Variants in RGS6 observed in about 807,000 individuals in gnomAD.
RGS6 encodes the protein regulator of G-protein signaling 6.
In RGS6, 30 loss-of-function variants were observed where a neutral mutation model predicts 78.5. That is an observed-to-expected ratio of 0.38 (90% CI 0.29 to 0.52). RGS6 has a LOEUF of 0.52. Among genes scored for constraint, RGS6 ranks in the 20% least tolerant of loss-of-function variants. RGS6 has a pLI of 0.85. For synonymous variants in RGS6, 206 were observed against 206.0 expected (o/e 1.00, Z 0.00); for missense variants, 495 against 609.7 (o/e 0.81, Z 1.98).
intron 2 of RGS6, among the ~76,000 whole-genome samples, chr14:72,206,300 T>TA (rs2042695330): frequency 1.3e-5 from 2 of 152,064 alleles, no homozygotes; most frequent in African/African-American, 4.8e-5. Flanking sequence ...CCCCCATCTC[T>TA]AAAAAAATAA....
Position 72,201,917 on chromosome 14 carries a change from A to T in RGS6, c.85-150178A>T, listed in dbSNP as rs564664791. ...TTACTTTTTGTATCACAGGAAAAAA[A>T]AATTGCCAACCCTTGGTCTAGAGTA... On this transcript the variant is annotated intron_variant, in intron 2 of 17. Transcript: ENST00000553525. 2.0e-5 allele frequency among the ~76,000 whole-genome samples: 3 copies of T among 152,354 alleles called. No individual in the cohort carries two copies. The South Asian group carries it at 6.2e-4, about 32-fold the overall frequency.
At chr14:72,225,425 G>A (rs1373401211) in intron 2 of RGS6, among the ~76,000 whole-genome samples, 4 of 152,150 alleles carry the variant, frequency 2.6e-5, no homozygotes, top group Admixed American at 2.6e-4. Context: ...CTGGGCTCAG[G>A]TGATCCTCCT....
In RGS6 at chr14:72,279,016, C is replaced by T. The variant is rs1055898979; in HGVS notation, c.85-73079C>T. Among the ~76,000 whole-genome samples, 16 of 152,038 alleles carry T rather than the reference C, an allele frequency of 1.1e-4. 1 individual carries two copies. Among genetic ancestry groups the T allele is most frequent in the South Asian group, 2.1e-4 (1 of 4,822 alleles). On this transcript the variant is annotated intron_variant, in intron 2 of 17. Transcript: ENST00000553525. ...CACTTATAAGGACACTCATCCTATC[C>T]GATTGAGACCCTACCTTATCATCGC...
At chr14:71,894,650 A>G in the RGS6 span, among the ~76,000 whole-genome samples, 23 of 152,286 alleles carry the variant, frequency 1.5e-4, no homozygotes, top group African/African-American at 5.1e-4. Context: ...TCCTGTGACA[A>G]GATCACAGTT....
intron 2 of RGS6, among the ~76,000 whole-genome samples, chr14:72,212,008 T>C (rs1212379993): frequency 1.3e-5 from 2 of 152,338 alleles, no homozygotes; most frequent in South Asian, 2.1e-4. Context: ...TTATCTCAGG[T>C]TGGCTTTCTA....
chr14:72,042,974 A>G (rs1377581987), intron 2 of RGS6, among the ~76,000 whole-genome samples: 1 of 152,122 alleles, frequency 6.6e-6, no homozygotes, highest in Non-Finnish European at 1.5e-5. Context: ...TTTCTCATGA[A>G]TACTATCTTT....
At chr14:72,013,892 G>A (rs754056420) in intron 2 of RGS6, among the ~76,000 whole-genome samples, 37 of 152,180 alleles carry the variant, frequency 2.4e-4, no homozygotes, top group Non-Finnish European at 8.8e-5. Context: ...CGTGCTGGTC[G>A]TGTTCTTTAA....
chr14:72,170,142 G>A (rs756432211), intron 2 of RGS6, among the ~76,000 whole-genome samples: 70 of 152,084 alleles, frequency 4.6e-4, no homozygotes, highest in Non-Finnish European at 8.8e-4. Context: ...GTCTTCCCTG[G>A]ATAATATACT....
the RGS6 span, chr14:72,594,600 G>C: frequency 6.6e-6 from 1 of 152,124 alleles, no homozygotes; most frequent in Non-Finnish European, 1.5e-5. Flanking sequence ...ACTTTTTGCT[G>C]GTTACCCGAA....
chr14:72,392,706 G>A (rs2090296946), intron 3 of RGS6, among the ~76,000 whole-genome samples: 1 of 152,166 alleles, frequency 6.6e-6, no homozygotes, highest in African/African-American at 2.4e-5. Context: ...GAGATCTGGG[G>A]GAGGGGGAGC....
rs759527358 is a variant in RGS6 at position 72,052,925 on chromosome 14, T to TTTTCTTTCTTTCTTTCTTTCTTTC, written c.84+88088_84+88111dup. Among the ~76,000 whole-genome samples, 23 of 120,424 alleles carry TTTTCTTTCTTTCTTTCTTTCTTTC rather than the reference T, an allele frequency of 1.9e-4. 1 individual carries two copies. The highest frequency in any genetic ancestry group is 3.2e-4 in the Non-Finnish European group (17 of 53,562). The allele number at this position is 120,424 out of a possible 152,430, so 79.0% of individuals were successfully genotyped here. On this transcript the variant is annotated intron_variant, in intron 2 of 17. Transcript: ENST00000553525. ...GCACATGTTCAGAGTTTCATTGTAT[T>TTTTCTTTCTTTCTTTCTTTCTTTC]TTTCTTTCTTTCTTTCTTTCTTTCT...
intron 1 of RGS6, among the ~76,000 whole-genome samples, chr14:71,942,289 A>G (rs1235121034): frequency 6.6e-6 from 1 of 152,180 alleles, no homozygotes; most frequent in Non-Finnish European, 1.5e-5. Flanking sequence ...AGCCTACCAA[A>G]TACTTCACCG....
intron 3 of RGS6, among the ~76,000 whole-genome samples, chr14:72,452,068 A>C (rs2095509185): frequency 6.6e-6 from 1 of 152,096 alleles, no homozygotes; most frequent in African/African-American, 2.4e-5. Context: ...TTTTCTTTTG[A>C]GGAAAAAACA....
intron 2 of RGS6, among the ~76,000 whole-genome samples, chr14:72,211,955 T>G (rs1055344285): frequency 2.0e-5 from 3 of 152,190 alleles, no homozygotes; most frequent in African/African-American, 2.4e-5. Context: ...TAATCTAGCT[T>G]TGCCATAACC....
chr14:71,999,998 T>G (rs758631731), intron 2 of RGS6, among the ~76,000 whole-genome samples: 1 of 152,236 alleles, frequency 6.6e-6, no homozygotes, highest in Non-Finnish European at 1.5e-5. Flanking sequence ...GAAACTCATC[T>G]GAACATTGTG....
At chr14:72,546,063 C>T (rs1339730734) in intron 17 of RGS6, among the ~76,000 whole-genome samples, 1 of 152,172 alleles carries the variant, frequency 6.6e-6, no homozygotes, top group East Asian at 1.9e-4. Flanking sequence ...GCACACTCTG[C>T]TGCTCACCTG....
chr14:72,521,186 CTT>C (rs1020657676), intron 15 of RGS6, among the ~76,000 whole-genome samples: 1 of 152,214 alleles, frequency 6.6e-6, no homozygotes, highest in African/African-American at 2.4e-5. Flanking sequence ...ACCTGTGCCT[CTT>C]TTCTCTATGC....
At chr14:72,367,849 T>G (rs913327547) in intron 3 of RGS6, among the ~76,000 whole-genome samples, 8 of 152,240 alleles carry the variant, frequency 5.3e-5, no homozygotes, top group African/African-American at 1.9e-4. Flanking sequence ...GGCCTCAGTT[T>G]TCTCACCTGT....
At chr14:72,351,689 G>A (rs1307771254) in intron 2 of RGS6, among the ~76,000 whole-genome samples, 2 of 152,162 alleles carry the variant, frequency 1.3e-5, no homozygotes, top group Non-Finnish European at 2.9e-5. Flanking sequence ...TGAACCATAA[G>A]AAATTGCCTT....
Sources: allele counts gnomAD v4.1 joint callset (sites outside exome capture counted in the v4.1 genomes callset), GRCh38; gene constraint gnomAD v4.1.1; transcripts MANE v1.5; gene names NCBI Gene and HGNC (gene_info 2026-07-23, HGNC 2026-07-21).